TMEM120B: variants seen among roughly 807,000 people sequenced by gnomAD.
TMEM120B encodes transmembrane protein 120B.
Under a neutral mutation model 55.5 loss-of-function variants are expected in TMEM120B, and 31 were observed. The ratio of observed to expected loss-of-function variants is 0.56; its 90% confidence interval spans 0.42 to 0.75. The LOEUF (loss-of-function observed/expected upper bound fraction) is 0.75, where lower values mean the gene tolerates loss of function less well. Ranked by LOEUF, TMEM120B falls within the 30% of genes least tolerant of loss-of-function variation. TMEM120B has a pLI of 0.00. For synonymous variants in TMEM120B, 203 were observed against 176.3 expected, an observed-to-expected ratio of 1.15 and a Z score of -1.20; for missense variants, 399 against 425.5, an observed-to-expected ratio of 0.94 and a Z score of 0.55.
At chr12:121,715,991 G>A (rs1050834782) in intron 1 of TMEM120B, among the ~76,000 whole-genome samples, 3 of 149,948 alleles carry the variant, frequency 2.0e-5, no homozygotes, top group Admixed American at 6.8e-5. Flanking sequence ...GGGCAGTTTC[G>A]GATACGAGAT....
At chr12:121,744,775 T>C (rs1873033289) in intron 2 of TMEM120B, among the ~76,000 whole-genome samples, 1 of 152,186 alleles carries the variant, frequency 6.6e-6, no homozygotes, top group Non-Finnish European at 1.5e-5. Flanking sequence ...GGACTCCTGG[T>C]CAACTCTTTC....
intron 2 of TMEM120B, among the ~76,000 whole-genome samples, chr12:121,744,157 C>T (rs1158626098): frequency 6.6e-6 from 1 of 151,090 alleles, no homozygotes. Flanking sequence ...CTCCTGGGTT[C>T]AAGCGATTCT....
intron 1 of TMEM120B, among the ~76,000 whole-genome samples, chr12:121,738,960 G>T (rs2137098893): frequency 6.7e-6 from 1 of 150,370 alleles, no homozygotes; most frequent in East Asian, 1.9e-4. Context: ...GCCGAGGTGG[G>T]AGGATCATTT....
intron 1 of TMEM120B, among the ~76,000 whole-genome samples, chr12:121,729,739 C>T (rs554614648): frequency 6.6e-6 from 1 of 152,232 alleles, no homozygotes; most frequent in East Asian, 1.9e-4. Flanking sequence ...TTTGAGGCTG[C>T]AGTGAGCCAT....
chr12:121,767,270 C>G (rs1873880317), intron 6 of TMEM120B, among the ~76,000 whole-genome samples: 1 of 152,238 alleles, frequency 6.6e-6, no homozygotes, highest in Non-Finnish European at 1.5e-5. Flanking sequence ...ACGCCATTCT[C>G]CTGCCTCAAC....
At chr12:121,728,610 G>A (rs1475557388) in intron 1 of TMEM120B, among the ~76,000 whole-genome samples, 1 of 151,942 alleles carries the variant, frequency 6.6e-6, no homozygotes, top group Non-Finnish European at 1.5e-5. Flanking sequence ...ATGAGCCACC[G>A]CGCCCGGCCG....
In TMEM120B at chr12:121,752,193, C is replaced by G. The variant is rs1873352320; in HGVS notation, c.431C>G (p.Ala144Gly). ...LYLTIILLLG[A>G]VACRFVLHYR... is the part of the protein sequence containing the mutation. ...CTGACCATCATCCTGCTCCTGGGTG[C>G]CGTGGCATGTCGATTTGTCCTTCAC... Residue 144 changes from alanine to glycine, a missense_variant, in exon 5 of 12, where the codon GCC (alanine) becomes GGC (glycine). By Grantham distance (60) the Ala-to-Gly change is moderately conservative. Transcript: ENST00000449592. The G allele has an allele frequency of 1.2e-6, 2 of 1,613,740 alleles. No individual in the cohort carries two copies. The highest frequency in any genetic ancestry group is 2.7e-5 in the African/African-American group (2 of 75,026).
intron 5 of TMEM120B, among the ~76,000 whole-genome samples, chr12:121,761,430 CAG>C (rs750738484): frequency 1.3e-5 from 2 of 152,142 alleles, no homozygotes; most frequent in African/African-American, 4.8e-5. Flanking sequence ...AGGTGGGACT[CAG>C]GGAGAAAGAT....
At position 121,775,575 on chromosome 12, in the gene TMEM120B, C is replaced by A. The variant is rs757307687; in HGVS notation, c.907-34C>A. ...GGGCAGGGGTTCAGCAGGGCAGATG[C>A]CCCAGCCTCGCCCTCCTCTCTGGAC... On this transcript the variant is annotated intron_variant, in intron 11 of 11. Coordinates refer to ENST00000449592, the MANE Select transcript of TMEM120B (RefSeq NM_001080825.2). This position sits in a 1 kb window ranked among gnomAD's most constrained non-coding sequence, Gnocchi z 4.3. 1 of 1,595,174 alleles carries A rather than the reference C, an allele frequency of 6.3e-7. No individual in the cohort carries two copies. The highest frequency in any genetic ancestry group is 8.6e-7 in the Non-Finnish European group (1 of 1,168,832).
In TMEM120B at chr12:121,780,944, T is replaced by C; in HGVS notation, c.*5222T>C. ...GCTGCTCCTTGTCCTTCCTCAGGTCTGTCTTGCAGCCGATGAGCACCATGG... is the reference window on the plus strand; with the variant it reads ...GCTGCTCCTTGTCCTTCCTCAGGTCCGTCTTGCAGCCGATGAGCACCATGG... On this transcript the variant is annotated 3_prime_UTR_variant, in exon 12 of 12. Coordinates refer to ENST00000449592, the MANE Select transcript of TMEM120B (RefSeq NM_001080825.2). 1 of 1,614,112 alleles carries C rather than the reference T, an allele frequency of 6.2e-7. No homozygotes were observed. The highest frequency in any genetic ancestry group is 1.1e-5 in the South Asian group (1 of 91,080).
At chr12:121,750,923 ACACCTC>A (rs1873285940) in intron 4 of TMEM120B, among the ~76,000 whole-genome samples, 2 of 33,658 alleles carry the variant, frequency 5.9e-5, no homozygotes, top group Non-Finnish European at 1.1e-4. Context: ...CCCCACACCC[ACACCTC>A]ACCCCACACC....
At chr12:121,770,126 G>A (rs938944387) in intron 6 of TMEM120B, among the ~76,000 whole-genome samples, 2 of 152,172 alleles carry the variant, frequency 1.3e-5, no homozygotes, top group Non-Finnish European at 2.9e-5. Context: ...CGCCCGCCGA[G>A]TGTCCTAAGC....
chr12:121,775,311 T>A lies in TMEM120B; in HGVS notation c.906+181T>A, dbSNP rs2137422558. Among the ~76,000 whole-genome samples the A allele has an allele frequency of 7.0e-6, 1 of 142,226 alleles. No individual in the cohort carries two copies. The highest frequency in any genetic ancestry group is 2.2e-4 in the South Asian group (1 of 4,508). 93.3% of individuals were successfully genotyped at this position (142,226 alleles called of 152,430 possible). On this transcript the variant is annotated intron_variant, in intron 11 of 11. Coordinates refer to ENST00000449592, the MANE Select transcript of TMEM120B (RefSeq NM_001080825.2). This position sits in a 1 kb window ranked among gnomAD's most constrained non-coding sequence, Gnocchi z 4.3. ...GGGAGGTTCCTGGGGCGGGCTGGGCTGGCAGGTGTGGGGTGTTGTGGGGGG... is the reference window on the plus strand; with the variant it reads ...GGGAGGTTCCTGGGGCGGGCTGGGCAGGCAGGTGTGGGGTGTTGTGGGGGG...
At chr12:121,773,333 C>G in intron 8 of TMEM120B, 88 bp from the exon 9 acceptor site, 1 of 1,224,680 alleles carries the variant, frequency 8.2e-7, no homozygotes, top group Non-Finnish European at 1.2e-6. Context: ...CAGTAAAGAC[C>G]CATCAGCCTG....
chr12:121,730,660 A>C (rs562277713), intron 1 of TMEM120B, among the ~76,000 whole-genome samples: 130 of 146,936 alleles, frequency 8.8e-4, no homozygotes, highest in East Asian at 5.3e-3. Context: ...AAAAAAAAAA[A>C]AAACAAACAA....
rs1460344186 is a variant in TMEM120B at position 121,758,727 on chromosome 12, C to T, written c.462-2922C>T. ...CATGGAGGAGGACGGCCCAGCTCCA[C>T]GCTGTGGTCACCATGGAGGAGGACG... On this transcript the variant is annotated intron_variant, in intron 5 of 11. Coordinates refer to ENST00000449592, the MANE Select transcript of TMEM120B (RefSeq NM_001080825.2). The T allele has an allele frequency of 3.2e-5, 31 of 971,930 alleles. No individual in the cohort carries two copies. The East Asian group carries it at 8.6e-4, about 27-fold the overall frequency. 60.2% of individuals were successfully genotyped at this position (971,930 alleles called of 1,614,324 possible).
rs116673108 is a variant in TMEM120B, at chr12:121,775,338, C to A, written c.906+208C>A. On this transcript the variant is annotated intron_variant, in intron 11 of 11. Transcript: ENST00000449592. The surrounding 1 kb of genome is among the most constrained non-coding windows in gnomAD (Gnocchi z 4.3). ...GCAGGTGTGGGGTGTTGTGGGGGGC[C>A]TGCTTGGCGGGAGGCTTCTGGAAGG... 10,221 of 841,188 alleles carry A rather than the reference C, an allele frequency of 0.012. 527 individuals are homozygous for A. In the African/African-American group the frequency reaches 0.13, roughly 11 times the overall value. 52.1% of individuals were successfully genotyped at this position (841,188 alleles called of 1,614,324 possible).
At chr12:121,761,895 C>T (rs1191164610) in intron 6 of TMEM120B, among the ~76,000 whole-genome samples, 157 bp downstream of exon 6, 1 of 152,178 alleles carries the variant, frequency 6.6e-6, no homozygotes, top group East Asian at 1.9e-4. Context: ...AAAGCTGATG[C>T]TGTTGATGCG....
chr12:121,772,011 T>C (rs534073234), intron 8 of TMEM120B, among the ~76,000 whole-genome samples: 1 of 152,258 alleles, frequency 6.6e-6, no homozygotes, highest in South Asian at 2.1e-4. Flanking sequence ...CCCATGTGTG[T>C]ATTGCCTTTC....
Sources: gnomAD v4.1 joint callset for allele counts (sites outside exome capture counted in the v4.1 genomes callset) on GRCh38, gnomAD v4.1.1 for gene constraint, Gnocchi (gnomAD v3.1) non-coding constraint, MANE v1.5 for transcripts, NCBI Gene and HGNC (gene_info 2026-07-23, HGNC 2026-07-21) for gene names.